The following MYH7B variants were observed in gnomAD, a reference collection of about 807,000 sequenced individuals.
MYH7B encodes myosin heavy chain 7B.
In MYH7B, 205 loss-of-function variants were observed where a neutral mutation model predicts 234.5. The ratio of observed to expected loss-of-function variants is 0.87; its 90% CI spans 0.78 to 0.98. MYH7B has a LOEUF of 0.98. Ranked by LOEUF, MYH7B falls within the 50% of genes least tolerant of loss-of-function variation. MYH7B has a pLI of 0.00. For synonymous variants in MYH7B, 1,193 were observed against 1,105.0 expected, an observed-to-expected ratio of 1.08 and a Z score of -1.58; for missense variants, 2,652 against 2,633.4, an observed-to-expected ratio of 1.01 and a Z score of -0.15.
intron 2 of MYH7B, among the ~76,000 whole-genome samples, chr20:34,962,295 C>T (rs896599611): frequency 1.3e-5 from 2 of 152,208 alleles, no homozygotes; most frequent in Admixed American, 1.3e-4. Context: ...TTTCTGTTCT[C>T]GTGGGTAGAT....
chr20:34,975,033 C>A (rs2081834861), intron 2 of MYH7B, among the ~76,000 whole-genome samples: 1 of 152,024 alleles, frequency 6.6e-6, no homozygotes. Context: ...CAAACAAATT[C>A]TGAAAATAGA....
rs201331534 is a variant in MYH7B, at chr20:34,977,895, G to A, written c.-72-39G>A. On this transcript the variant is annotated intron_variant, in intron 4 of 44. Coordinates refer to ENST00000262873, the Ensembl canonical transcript of MYH7B. ...ATCTGGTCTTGTGGGTTGGGGGATCGTGCCCTAGTTCAGCTCCCTTGTCAC... is the reference window on the plus strand; with the variant it reads ...ATCTGGTCTTGTGGGTTGGGGGATCATGCCCTAGTTCAGCTCCCTTGTCAC... 4,545 of 1,610,568 alleles carry A rather than the reference G, an allele frequency of 2.8e-3. 111 individuals are homozygous for A. In the South Asian group the frequency reaches 0.037, roughly 13 times the overall value.
chr20:34,988,287 T>A, intron 19 of MYH7B, 25 bp downstream of exon 19: 1 of 1,601,824 alleles, frequency 6.2e-7, no homozygotes, highest in African/African-American at 1.3e-5. Flanking sequence ...AAGGTCACTT[T>A]GAGGAAGGGA....
chr20:34,957,786 G>A (rs935892870), intron 1 of MYH7B, among the ~76,000 whole-genome samples: 5 of 152,136 alleles, frequency 3.3e-5, no homozygotes, highest in Admixed American at 1.3e-4. Flanking sequence ...CACTGCGCCC[G>A]GCCCCTTTTG....
chr20:34,996,660 G>A, exon 30 of MYH7B: 5 of 1,613,540 alleles, frequency 3.1e-6, no homozygotes, highest in South Asian at 1.1e-5. Context: ...TGGACACGGA[G>A]CGGGCCAAGC....
chr20:34,978,112 G>T lies in MYH7B; in HGVS notation c.91+16G>T, dbSNP rs1600418690. ...CCATGGGACGGTAAGTGGAGACAGA[G>T]GGGGAGGGGTCATAGCCACAGAGAT... On this transcript the variant is annotated intron_variant, in intron 5 of 44. Transcript: ENST00000262873. 6.2e-7 allele frequency: 1 copy of T among 1,613,788 alleles called. No individual in the cohort carries two copies. Among genetic ancestry groups the T allele is most frequent in the South Asian group, 1.1e-5 (1 of 91,064 alleles).
chr20:34,984,684 TC>T lies in MYH7B; in HGVS notation c.625-3del. On this transcript the variant is annotated splice_polypyrimidine_tract_variant and splice_region_variant and intron_variant, in intron 10 of 44. Coordinates refer to ENST00000262873, the Ensembl canonical transcript of MYH7B. ...GGCCCTCTAATGTTGTCTGTCTTCT[TC>T]CCCCAGCAATTTCTGGCAACAAAGA... The T allele has an allele frequency of 1.2e-6, 2 of 1,603,770 alleles. No homozygotes were observed. The highest frequency in any genetic ancestry group is 1.7e-6 in the Non-Finnish European group (2 of 1,177,176).
Position 34,971,328 on chromosome 20 carries a change from T to C in MYH7B, c.-221-4072T>C, listed in dbSNP as rs186865296. 4.1e-4 allele frequency among the ~76,000 whole-genome samples: 63 copies of C among 152,302 alleles called. 1 individual carries two copies. The highest frequency in any genetic ancestry group is 1.4e-3 in the African/African-American group (58 of 41,568). ...TGTGTCTAACTCCCTCCTCTTGCTG[T>C]GGCTGAGGTCGCAGTCCCCTCCTTT... On this transcript the variant is annotated intron_variant, in intron 2 of 44. Transcript: ENST00000262873.
chr20:34,977,079 A>C (rs1267049159), intron 3 of MYH7B, among the ~76,000 whole-genome samples: 18 of 50,998 alleles, frequency 3.5e-4, no homozygotes, highest in Non-Finnish European at 5.0e-4. Context: ...TCTCCCTCTC[A>C]CTCCTTCTCT....
intron 36 of MYH7B, 77 bp from the exon 37 acceptor site, chr20:34,999,494 G>A: frequency 6.6e-7 from 1 of 1,526,682 alleles, no homozygotes; most frequent in Admixed American, 2.1e-5. Context: ...GGCCACCCTG[G>A]AATCAGGGGT....
rs1600464844 is a variant in MYH7B at position 34,996,288 on chromosome 20, G to C, written c.2944-58G>C. The C allele has an allele frequency of 2.6e-6, 4 of 1,533,474 alleles. No individual in the cohort carries two copies. The East Asian group carries it at 7.3e-5, about 28-fold the overall frequency. 95.0% of individuals were successfully genotyped at this position (1,533,474 alleles called of 1,614,324 possible). A position where few individuals can be genotyped will look rare whatever the true frequency, so the allele number is the denominator to read the frequency against. On this transcript the variant is annotated intron_variant, in intron 28 of 44. Coordinates refer to ENST00000262873, the Ensembl canonical transcript of MYH7B. ...CACTTGCTCTGACCTGGTGTGGTGTGGTGGCCGCTCAGAGTGCGGGGAAGG... is the reference window on the plus strand; with the variant it reads ...CACTTGCTCTGACCTGGTGTGGTGTCGTGGCCGCTCAGAGTGCGGGGAAGG...
rs1368336317 is a variant in MYH7B, at chr20:35,002,163, C to A, written c.5815-14C>A. ...CAGGTAGTACTGCTCACTCAGCTAT[C>A]CCTTTCTCCTCAGCACAAGGAGTGA... On this transcript the variant is annotated splice_polypyrimidine_tract_variant and intron_variant, in intron 44 of 44. Coordinates refer to ENST00000262873, the Ensembl canonical transcript of MYH7B. 1 of 1,580,598 alleles carries A rather than the reference C, an allele frequency of 6.3e-7. No individual in the cohort carries two copies. Among genetic ancestry groups the A allele is most frequent in the Non-Finnish European group, 8.6e-7 (1 of 1,165,316 alleles).
In MYH7B at chr20:34,996,694, C is replaced by T. The variant is rs2082266264; in HGVS notation, c.3202C>T (p.Leu1068=). The change falls in exon 30 of 45, where the codon CTG becomes TTG. Residue 1068 remains leucine, a synonymous_variant. Coordinates refer to ENST00000262873, the Ensembl canonical transcript of MYH7B. ...GCGCAAGCTGGAGGGTGACCTGAAG[C>T]TGACGCAGGAGTCGGTGGCTGATGC... is the stretch of plus-strand genomic sequence containing the variant. 4 of 1,613,516 alleles carry T rather than the reference C, an allele frequency of 2.5e-6. No homozygotes were observed. The African/African-American group carries it at 4.0e-5, about 16-fold the overall frequency.
At chr20:34,970,557 G>C (rs905433252) in intron 2 of MYH7B, among the ~76,000 whole-genome samples, 2 of 151,586 alleles carry the variant, frequency 1.3e-5, no homozygotes, top group Admixed American at 1.3e-4. Context: ...CAGGGTGGGT[G>C]GGGGGTGACT....
intron 38 of MYH7B, 140 bp downstream of exon 38, chr20:35,000,046 G>C: frequency 2.1e-6 from 2 of 939,046 alleles, no homozygotes; most frequent in Non-Finnish European, 3.2e-6. Flanking sequence ...GAACCTCGGA[G>C]ATGCTAAAGG....
intron 19 of MYH7B, 75 bp downstream of exon 19, chr20:34,988,337 C>A (rs1285858083): frequency 3.3e-5 from 49 of 1,506,274 alleles, no homozygotes; most frequent in Non-Finnish European, 4.1e-5. Context: ...ATGACCATGG[C>A]TTGCATGGAA....
chr20:34,993,192 G>A (rs1352062823), exon 25 of MYH7B: 1 of 1,613,932 alleles, frequency 6.2e-7, no homozygotes, highest in African/African-American at 1.3e-5. Flanking sequence ...CGCTGGACTT[G>A]GATCACACCC....
At chr20:34,977,938 T>C (rs1486074985) in exon 5 of MYH7B, 1 of 1,613,708 alleles carries the variant, frequency 6.2e-7, no homozygotes, top group Admixed American at 1.7e-5. Flanking sequence ...TTCCAGTGCC[T>C]GCTGCCTTGG....
At chr20:34,995,016 GCTGCTGCTGCTCACC>G (rs1317455905) in intron 27 of MYH7B, among the ~76,000 whole-genome samples, 1 of 152,236 alleles carries the variant, frequency 6.6e-6, no homozygotes, top group African/African-American at 2.4e-5. Context: ...CTGTGCAGAG[GCTGCTGCTGCTCACC>G]CTGCCCCTCG....
Sources: allele counts gnomAD v4.1 joint callset (sites outside exome capture counted in the v4.1 genomes callset), GRCh38; gene constraint gnomAD v4.1.1; transcripts MANE v1.5; gene names NCBI Gene and HGNC (gene_info 2026-07-23, HGNC 2026-07-21).